The following ATRNL1 variants were observed in gnomAD, a reference collection of about 807,000 sequenced individuals.
ATRNL1 encodes the protein attractin-like protein 1.
ATRNL1 carries 95 observed loss-of-function variants against 182.7 expected under a neutral mutation model. That is an observed-to-expected ratio of 0.52 (90% CI 0.44 to 0.62). The LOEUF (loss-of-function observed/expected upper bound fraction) is 0.62, where lower values mean the gene tolerates loss of function less well. Ranked by LOEUF, ATRNL1 falls within the 20% of genes least tolerant of loss-of-function variation. The probability of loss-of-function intolerance (pLI) is 0.00; values close to 1 mark genes in which losing one functional copy is unlikely to be tolerated. For missense variants in ATRNL1, 1,471 were observed against 1,679.5 expected, an observed-to-expected ratio of 0.88 and a Z score of 2.17; for synonymous variants, 576 against 568.3, an observed-to-expected ratio of 1.01 and a Z score of -0.19.
chr10:115,297,061 T>A (rs1853229412), intron 15 of ATRNL1, among the ~76,000 whole-genome samples: 1 of 152,166 alleles, frequency 6.6e-6, no homozygotes, highest in Non-Finnish European at 1.5e-5. Flanking sequence ...CCTAGCTATG[T>A]CTTACAGGAT....
At chr10:115,679,169 A>G (rs901931142) in intron 26 of ATRNL1, among the ~76,000 whole-genome samples, 14 of 152,072 alleles carry the variant, frequency 9.2e-5, no homozygotes, top group African/African-American at 3.4e-4. Flanking sequence ...CTCTTTGGCC[A>G]TATCTGAAGT....
chr10:115,360,066 T>A (rs1443640832), intron 19 of ATRNL1, among the ~76,000 whole-genome samples: 2 of 151,698 alleles, frequency 1.3e-5, no homozygotes, highest in East Asian at 1.9e-4. Context: ...TTTTATATAT[T>A]TTAAAAATTA....
At chr10:115,338,058 G>T (rs184627396) in intron 19 of ATRNL1, among the ~76,000 whole-genome samples, 1 of 152,230 alleles carries the variant, frequency 6.6e-6, no homozygotes. Context: ...TTTTTCACCC[G>T]CTGATCACCT....
At chr10:115,665,912 T>C (rs7072548) in intron 26 of ATRNL1, among the ~76,000 whole-genome samples, 45,812 of 152,042 alleles carry the variant, frequency 0.3, 8,102 homozygotes, top group East Asian at 0.7. Flanking sequence ...CATTAAATGT[T>C]AAGGATTCTT....
chr10:115,177,993 A>C (rs1592217481), intron 8 of ATRNL1, among the ~76,000 whole-genome samples: 1 of 138,670 alleles, frequency 7.2e-6, no homozygotes, highest in East Asian at 2.1e-4. Flanking sequence ...ATCTCAGCTC[A>C]CTGAAGCCTC....
intron 25 of ATRNL1, among the ~76,000 whole-genome samples, chr10:115,537,356 T>G (rs1554990801): frequency 6.6e-6 from 1 of 152,182 alleles, no homozygotes; most frequent in African/African-American, 2.4e-5. Flanking sequence ...TAAATTGAAT[T>G]TACTGTACTG....
At chr10:115,585,197 G>A (rs1855435148) in intron 26 of ATRNL1, among the ~76,000 whole-genome samples, 1 of 83,176 alleles carries the variant, frequency 1.2e-5, no homozygotes, top group African/African-American at 4.2e-5. Flanking sequence ...AATAGGTGTG[G>A]TGTGGTGCTG....
At chr10:115,276,260 T>A (rs886078245) in intron 13 of ATRNL1, among the ~76,000 whole-genome samples, 1 of 152,156 alleles carries the variant, frequency 6.6e-6, no homozygotes, top group Non-Finnish European at 1.5e-5. Flanking sequence ...AAGTTGCACC[T>A]CCTAATAACA....
At chr10:115,717,156 C>T (rs1415905774) in intron 26 of ATRNL1, among the ~76,000 whole-genome samples, 2 of 152,098 alleles carry the variant, frequency 1.3e-5, no homozygotes, top group Admixed American at 1.3e-4. Context: ...ATTGAGGGAA[C>T]TAGGTTCATT....
Position 115,719,680 on chromosome 10 carries a change from T to A in ATRNL1, c.3796-7568T>A, listed in dbSNP as rs182528428. 4.3e-3 allele frequency among the ~76,000 whole-genome samples: 658 copies of A among 152,216 alleles called. 5 individuals carry two copies. Among genetic ancestry groups the A allele is most frequent in the Non-Finnish European group, 7.7e-3 (524 of 68,030 alleles). The stretch of plus-strand genomic sequence containing the variant: ...TATTATTTTACTTTTCTTTGTTTGC[T>A]CCATACTGCAAATTAGCATGATCAT... On this transcript the variant is annotated intron_variant, in intron 26 of 28. Coordinates refer to ENST00000355044, the MANE Select transcript of ATRNL1 (RefSeq NM_207303.4).
intron 26 of ATRNL1, among the ~76,000 whole-genome samples, chr10:115,655,357 C>T (rs570571239): frequency 6.6e-6 from 1 of 152,118 alleles, no homozygotes; most frequent in Non-Finnish European, 1.5e-5. Context: ...ATATCTTGAG[C>T]GTCCTTGGTA....
chr10:115,557,177 G>A (rs1554997243), intron 26 of ATRNL1, among the ~76,000 whole-genome samples: 1 of 152,058 alleles, frequency 6.6e-6, no homozygotes, highest in Non-Finnish European at 1.5e-5. Flanking sequence ...TTGGTTTATG[G>A]AGAGGAGTTA....
intron 26 of ATRNL1, among the ~76,000 whole-genome samples, chr10:115,654,367 C>A (rs1355096678): frequency 6.6e-6 from 1 of 151,726 alleles, no homozygotes; most frequent in Non-Finnish European, 1.5e-5. Flanking sequence ...TTAAGGCACC[C>A]GCCACCACAC....
chr10:115,278,152 C>T (rs1554915513), intron 13 of ATRNL1, among the ~76,000 whole-genome samples: 1 of 152,168 alleles, frequency 6.6e-6, no homozygotes, highest in Non-Finnish European at 1.5e-5. Flanking sequence ...ATGGAAATGA[C>T]TTTGTACATG....
At chr10:115,521,685 T>A (rs1355641052) in intron 25 of ATRNL1, among the ~76,000 whole-genome samples, 18 of 152,190 alleles carry the variant, frequency 1.2e-4, no homozygotes, top group Admixed American at 1.0e-3. Flanking sequence ...TATTATGTTG[T>A]CATCATGGAC....
chr10:115,829,737 C>T (rs1950517781), intron 27 of ATRNL1, among the ~76,000 whole-genome samples: 1 of 152,046 alleles, frequency 6.6e-6, no homozygotes, highest in South Asian at 2.1e-4. Context: ...TTTGGAGACT[C>T]CCCAAGAGCT....
intron 8 of ATRNL1, among the ~76,000 whole-genome samples, chr10:115,191,246 G>T (rs1848158457): frequency 6.6e-6 from 1 of 152,020 alleles, no homozygotes; most frequent in Non-Finnish European, 1.5e-5. Flanking sequence ...CAGTGGTATT[G>T]CTGGATCATG....
intron 19 of ATRNL1, among the ~76,000 whole-genome samples, chr10:115,383,020 C>A (rs1473237864): frequency 6.6e-6 from 1 of 150,752 alleles, no homozygotes; most frequent in Non-Finnish European, 1.5e-5. Context: ...AGAGGAAGTT[C>A]TTTTTATTTC....
chr10:115,580,834 C>T (rs369381980), intron 26 of ATRNL1, among the ~76,000 whole-genome samples: 80 of 151,862 alleles, frequency 5.3e-4, no homozygotes, highest in Non-Finnish European at 9.0e-4. Context: ...TCAATAGAGT[C>T]CTCTATTGAT....
Sources: gnomAD v4.1 joint callset for allele counts (sites outside exome capture counted in the v4.1 genomes callset) on GRCh38, gnomAD v4.1.1 for gene constraint, MANE v1.5 for transcripts, NCBI Gene and HGNC (gene_info 2026-07-23, HGNC 2026-07-21) for gene names.